The following ERAP1 variants were observed in gnomAD, a reference collection of about 807,000 sequenced individuals.
The protein encoded by ERAP1 is adipocyte-derived leucine aminopeptidase.
A neutral mutation model predicts 103.7 loss-of-function variants in ERAP1; 86 were observed. The observed-to-expected ratio is 0.83, with a 90% confidence interval of 0.70 to 0.99. The LOEUF (loss-of-function observed/expected upper bound fraction) is 0.99. ERAP1 is among the 50% of genes least tolerant of loss of function. The probability of loss-of-function intolerance (pLI) is 0.00; values close to 1 mark genes in which losing one functional copy is unlikely to be tolerated. For missense variants in ERAP1, 1,009 were observed against 1,128.4 expected, an observed-to-expected ratio of 0.89 and a Z score of 1.52; for synonymous variants, 398 against 402.4, an observed-to-expected ratio of 0.99 and a Z score of 0.13.
At chr5:96,914,306 C>A in the ERAP1 span, among the ~76,000 whole-genome samples, 1 of 152,176 alleles carries the variant, frequency 6.6e-6, no homozygotes, top group African/African-American at 2.4e-5. Context: ...TCCCTGATAT[C>A]ATTAATTCCT....
At chr5:96,861,910 A>T in the ERAP1 span, among the ~76,000 whole-genome samples, 3 of 152,194 alleles carry the variant, frequency 2.0e-5, no homozygotes, top group African/African-American at 7.2e-5. Context: ...AATGATCAAA[A>T]TAAACTTGAA....
At chr5:96,802,657 T>G (rs955853042) in intron 2 of ERAP1, among the ~76,000 whole-genome samples, 3 of 152,208 alleles carry the variant, frequency 2.0e-5, no homozygotes, top group Admixed American at 2.0e-4. Context: ...AAGTTTTAAC[T>G]GAGATAAAAG....
chr5:96,899,292 C>T, the ERAP1 span, among the ~76,000 whole-genome samples: 1 of 152,196 alleles, frequency 6.6e-6, no homozygotes, highest in South Asian at 2.1e-4. Context: ...AGAAAAGTCC[C>T]CCATCAATCT....
rs2150873019 is a variant in ERAP1 at position 96,776,109 on chromosome 5, C to T, written c.*287G>A. 2 of 1,361,000 alleles carry T rather than the reference C, an allele frequency of 1.5e-6. No homozygotes were observed. Among genetic ancestry groups the T allele is most frequent in the East Asian group, 3.8e-5 (1 of 26,520 alleles). 84.3% of individuals were successfully genotyped at this position (1,361,000 alleles called of 1,614,324 possible). ...AGGGTTTTGGACACGGGTGCTTAAG[C>T]ATAAACTATAAAATGAGAAGAATAA... On this transcript the variant is annotated 3_prime_UTR_variant, in exon 19 of 19. Transcript: ENST00000443439.
At chr5:96,856,876 C>A in the ERAP1 span, among the ~76,000 whole-genome samples, 1 of 152,228 alleles carries the variant, frequency 6.6e-6, no homozygotes, top group African/African-American at 2.4e-5. Context: ...TCTGCTCCCT[C>A]TTATTGGACT....
At chr5:96,793,570 T>TATAC in intron 6 of ERAP1, 57 bp from the exon 7 acceptor site, 4 of 1,325,092 alleles carry the variant, frequency 3.0e-6, no homozygotes, top group Non-Finnish European at 4.4e-6. Context: ...ATATTTTAGA[T>TATAC]GTCCAATATA....
chr5:96,886,726 C>T, the ERAP1 span: 2 of 1,548,956 alleles, frequency 1.3e-6, no homozygotes, highest in African/African-American at 1.3e-5. Flanking sequence ...TGAGTACATA[C>T]CTTGTAGCCT....
chr5:96,863,126 C>T, the ERAP1 span, among the ~76,000 whole-genome samples: 2 of 152,106 alleles, frequency 1.3e-5, no homozygotes, highest in African/African-American at 4.8e-5. Context: ...TCTAAATCCA[C>T]CACTGTGCCC....
downstream of ERAP1, among the ~76,000 whole-genome samples, chr5:96,771,053 A>G (rs1328785877): frequency 6.6e-6 from 1 of 152,192 alleles, no homozygotes; most frequent in East Asian, 1.9e-4. Flanking sequence ...TATAAGGAGG[A>G]GTTAAAGGTG....
chr5:96,916,722 C>G, the ERAP1 span, among the ~76,000 whole-genome samples: 1 of 151,522 alleles, frequency 6.6e-6, no homozygotes, highest in Non-Finnish European at 1.5e-5. Context: ...CCCACTTTGG[C>G]CTCCCGAAGT....
At chr5:96,850,461 AGAAAAGGCCAACAGATATAT>A in the ERAP1 span, among the ~76,000 whole-genome samples, 75 of 152,364 alleles carry the variant, frequency 4.9e-4, no homozygotes, top group South Asian at 0.014. Context: ...AGAAAGACAA[AGAAAAGGCCAACAGATATAT>A]GAAAACATGT....
At chr5:96,820,626 T>C in the ERAP1 span, among the ~76,000 whole-genome samples, 4 of 152,280 alleles carry the variant, frequency 2.6e-5, no homozygotes, top group African/African-American at 7.2e-5. Flanking sequence ...TGAGATTTTC[T>C]TTCATTTGTC....
chr5:96,822,986 G>A, the ERAP1 span: 16 of 452,120 alleles, frequency 3.5e-5, no homozygotes, highest in Middle Eastern at 3.3e-4. Context: ...TCAGGTTGTT[G>A]GCAGAATTCA....
the ERAP1 span, among the ~76,000 whole-genome samples, chr5:96,848,006 A>C: frequency 2.0e-5 from 1 of 51,098 alleles, no homozygotes; most frequent in African/African-American, 6.7e-5. Flanking sequence ...CTAGAAAAAC[A>C]AAAAAAAAAT....
intron 7 of ERAP1, 123 bp from the exon 8 acceptor site, chr5:96,792,315 A>G (rs1776821449): frequency 2.6e-6 from 2 of 765,842 alleles, no homozygotes; most frequent in Middle Eastern, 2.6e-4. Context: ...AACCTATTCC[A>G]TATTTCCTAA....
In ERAP1 at chr5:96,783,199, T is replaced by G. The variant is rs201469459; in HGVS notation, c.2137A>C (p.Lys713Gln). 6.2e-7 allele frequency: 1 copy of G among 1,613,222 alleles called. No homozygotes were observed. The highest frequency in any genetic ancestry group is 1.7e-5 in the Admixed American group (1 of 60,018). ...LIRLLRDLID[K>Q]QTWTDEGSVS... is the part of the protein sequence containing the mutation. ...GAGCCCTCGTCTGTCCATGTCTGCT[T>G]ATCAATGAGGTCCCTTAGCAGCCTG... The change falls in exon 15 of 19, where the codon AAG becomes CAG. Residue 713 changes from lysine (K) to glutamine (Q), a missense_variant. Physicochemically the swap from Lys to Gln is moderately conservative, Grantham distance 53. Around this residue, in one of 3 missense-constraint regions of ERAP1, gnomAD observed 611 missense variants for 651.7 expected, o/e 0.94. Coordinates refer to ENST00000443439, the MANE Select transcript of ERAP1 (RefSeq NM_001040458.3).
the ERAP1 span, chr5:96,908,945 T>G: frequency 6.2e-7 from 1 of 1,606,764 alleles, no homozygotes; most frequent in Non-Finnish European, 8.5e-7. Context: ...CCACTGACAT[T>G]TGTTTTATAC....
rs1355366417 is a variant in ERAP1 at position 96,795,175 on chromosome 5, G to A, written c.799-13C>T. The A allele has an allele frequency of 6.2e-7, 1 of 1,612,746 alleles. No homozygotes were observed. The highest frequency in any genetic ancestry group is 1.1e-5 in the South Asian group (1 of 91,070). ...CATAAACAGAAACCTAAAGAGAAAG[G>A]CACAGAAAGGAATTCAAATATCTTA... On this transcript the variant is annotated splice_polypyrimidine_tract_variant and intron_variant, in intron 4 of 18. Transcript: ENST00000443439.
chr5:96,825,265 G>T, the ERAP1 span, among the ~76,000 whole-genome samples: 1 of 152,116 alleles, frequency 6.6e-6, no homozygotes, highest in Non-Finnish European at 1.5e-5. Flanking sequence ...GAAGTCTGCT[G>T]ATTAATCTTC....
Sources: allele counts gnomAD v4.1 joint callset (sites outside exome capture counted in the v4.1 genomes callset), GRCh38; gene constraint gnomAD v4.1.1; regional missense constraint gnomAD v4.1.1; transcripts MANE v1.5; gene names NCBI Gene and HGNC (gene_info 2026-07-23, HGNC 2026-07-21).